MORC2: variants seen among roughly 807,000 people sequenced by gnomAD.
MORC2 encodes MORC family CW-type zinc finger 2.
In MORC2, 30 loss-of-function variants were observed where a neutral mutation model predicts 136.0. That is an observed-to-expected ratio of 0.22 (90% CI 0.17 to 0.30). The LOEUF (loss-of-function observed/expected upper bound fraction) is 0.30, where lower values mean the gene tolerates loss of function less well. MORC2 is among the 10% of genes least tolerant of loss of function. The probability of loss-of-function intolerance (pLI) is 1.00; values close to 1 mark genes in which losing one functional copy is unlikely to be tolerated. For synonymous variants in MORC2, 439 were observed against 487.0 expected, an observed-to-expected ratio of 0.90 and a Z score of 1.30; for missense variants, 922 against 1,333.1, an observed-to-expected ratio of 0.69 and a Z score of 4.80.
chr22:30,929,717 C>A (rs1253124804), intron 24 of MORC2, among the ~76,000 whole-genome samples: 2 of 151,858 alleles, frequency 1.3e-5, no homozygotes. Flanking sequence ...GCCGAGATTG[C>A]GCCACTGCAC....
intron 5 of MORC2, 143 bp from the exon 6 acceptor site, chr22:30,946,592 G>A (rs1389065365): frequency 3.3e-6 from 2 of 605,744 alleles, no homozygotes; most frequent in Non-Finnish European, 5.7e-6. Flanking sequence ...ACTGTGTGCT[G>A]AGTTCCACAG....
intron 6 of MORC2, among the ~76,000 whole-genome samples, chr22:30,944,843 G>A (rs1056357274): frequency 6.6e-6 from 1 of 152,200 alleles, no homozygotes; most frequent in Admixed American, 6.5e-5. Flanking sequence ...GGCGAGTACC[G>A]CCAAGCTACA....
chr22:30,968,080 T>C lies in MORC2; in HGVS notation c.-191A>G. On this transcript the variant is annotated 5_prime_UTR_variant, in exon 1 of 26. Coordinates refer to ENST00000397641, the MANE Select transcript of MORC2 (RefSeq NM_001303256.3). The stretch of plus-strand genomic sequence containing the variant: ...AAACTACAATTTCTTCAAGTGTTTT[T>C]TTTTAATCTTCTCAATGATTTATGA... 1.8e-6 allele frequency: 1 copy of C among 561,144 alleles called. No individual in the cohort carries two copies. The highest frequency in any genetic ancestry group is 3.2e-6 in the Non-Finnish European group (1 of 315,220). The allele number at this position is 561,144 out of a possible 1,614,324, so 34.8% of individuals were successfully genotyped here. A position where few individuals can be genotyped will look rare whatever the true frequency, so the allele number is the denominator to read the frequency against.
Position 30,934,632 on chromosome 22 carries a change from C to T in MORC2, c.2193+149G>A. On this transcript the variant is annotated intron_variant, in intron 19 of 25. Transcript: ENST00000397641. This position sits in a 1 kb window ranked among gnomAD's most constrained non-coding sequence, Gnocchi z 4.4. ...GTCTGGCCCCAACAAGTCCGTTCAG[C>T]TATCAAGGCTTCCCGTCCTCAGGGG... 2.6e-6 allele frequency: 3 copies of T among 1,161,526 alleles called. No homozygotes were observed. Among genetic ancestry groups the T allele is most frequent in the Non-Finnish European group, 3.6e-6 (3 of 822,028 alleles). 72.0% of individuals were successfully genotyped at this position (1,161,526 alleles called of 1,614,324 possible).
intron 13 of MORC2, 42 bp downstream of exon 13, chr22:30,938,023 C>T: frequency 1.9e-6 from 3 of 1,613,758 alleles, no homozygotes; most frequent in Non-Finnish European, 2.5e-6. Flanking sequence ...GCCCTCCTGC[C>T]AACTATCCTG....
At position 30,937,626 on chromosome 22, in the gene MORC2, G is replaced by C; in HGVS notation, c.1455C>G (p.Tyr485Ter). ...WNQPPSSELR[Y>*]KRRRAMEIPT... Reference sequence around the variant, plus strand: ...GGATTTCCATAGCTCTCCGGCGTTTGTAACGCAGCTCACTGGATGGGGGCT... The same window carrying C: ...GGATTTCCATAGCTCTCCGGCGTTTCTAACGCAGCTCACTGGATGGGGGCT... Residue 485 changes from tyrosine (Y) to a stop codon, truncating the protein, a stop_gained, in exon 15 of 26, where the codon TAC (tyrosine) becomes TAG (stop). Coordinates refer to ENST00000397641, the MANE Select transcript of MORC2 (RefSeq NM_001303256.3). LOFTEE classifies it high-confidence loss of function. This position sits in a 1 kb window ranked among gnomAD's most constrained non-coding sequence, Gnocchi z 4.7. 1 of 1,613,756 alleles carries C rather than the reference G, an allele frequency of 6.2e-7. No homozygotes were observed. The highest frequency in any genetic ancestry group is 8.5e-7 in the Non-Finnish European group (1 of 1,180,024).
intron 6 of MORC2, among the ~76,000 whole-genome samples, chr22:30,945,402 T>A (rs962378990): frequency 1.3e-5 from 2 of 152,210 alleles, no homozygotes; most frequent in South Asian, 4.1e-4. Flanking sequence ...ACAAATTTAA[T>A]CACAGCTAAT....
chr22:30,946,418 G>C lies in MORC2; in HGVS notation c.349C>G (p.Leu117Val), dbSNP rs542809980. Residue 117 changes from leucine (L) to valine (V), a missense_variant, in exon 6 of 26, where the codon CTG (leucine) becomes GTG (valine). By Grantham distance (32) the Leu-to-Val change is conservative. Coordinates refer to ENST00000397641, the MANE Select transcript of MORC2 (RefSeq NM_001303256.3). ...ATGGTGTCTTCCTTCTTGGTGAACA[G>C]GATAAAATCCTTCCCAATGCGCATT... ...GSMRIGKDFI[L>V]FTKKEDTMTC... The C allele has an allele frequency of 2.5e-6, 4 of 1,610,574 alleles. No homozygotes were observed. Among genetic ancestry groups the C allele is most frequent in the East Asian group, 2.2e-5 (1 of 44,628 alleles).
chr22:30,931,813 C>G (rs564381467), intron 24 of MORC2, among the ~76,000 whole-genome samples: 1 of 152,378 alleles, frequency 6.6e-6, no homozygotes, highest in East Asian at 1.9e-4. Flanking sequence ...TCTACTGAAT[C>G]TTGAGCCTCT....
chr22:30,947,180 C>G (rs993440143), intron 5 of MORC2, among the ~76,000 whole-genome samples: 1 of 152,254 alleles, frequency 6.6e-6, no homozygotes, highest in Non-Finnish European at 1.5e-5. Flanking sequence ...CTCATTATGA[C>G]ACAGGCAGCT....
At position 30,934,023 on chromosome 22, in the gene MORC2, A is replaced by G; in HGVS notation, c.2325+37T>C. 6.2e-7 allele frequency: 1 copy of G among 1,612,728 alleles called. No individual in the cohort carries two copies. The highest frequency in any genetic ancestry group is 8.5e-7 in the Non-Finnish European group (1 of 1,179,210). The stretch of plus-strand genomic sequence containing the variant: ...TGCTGGTGGGGGCTGCAGGCCCTAG[A>G]GAGAGAGGCTTTGAGAACCTCACCT... On this transcript the variant is annotated intron_variant, in intron 20 of 25. Coordinates refer to ENST00000397641, the MANE Select transcript of MORC2 (RefSeq NM_001303256.3). The surrounding 1 kb of genome is among the most constrained non-coding windows in gnomAD (Gnocchi z 4.4).
chr22:30,965,545 C>G (rs2041115547), intron 1 of MORC2, among the ~76,000 whole-genome samples: 1 of 152,190 alleles, frequency 6.6e-6, no homozygotes, highest in South Asian at 2.1e-4. Flanking sequence ...AAAAGGAGAA[C>G]AACTTCTAAG....
At position 30,968,479 on chromosome 22, in the gene MORC2, G is replaced by A. The variant is rs1349570713; in HGVS notation, c.-590C>T. Among the ~76,000 whole-genome samples the A allele has an allele frequency of 2.0e-5, 3 of 152,246 alleles. No homozygotes were observed. The highest frequency in any genetic ancestry group is 7.2e-5 in the African/African-American group (3 of 41,542). On this transcript the variant is annotated 5_prime_UTR_variant, in exon 1 of 26. Coordinates refer to ENST00000397641, the MANE Select transcript of MORC2 (RefSeq NM_001303256.3). Reference sequence around the variant, plus strand: ...CACCTCCCAAGTGAAAAAGCTCCTAGGCACTCACGATTTCTTTTTTCAAAG... The same window carrying A: ...CACCTCCCAAGTGAAAAAGCTCCTAAGCACTCACGATTTCTTTTTTCAAAG...
rs2040743301 is a variant in MORC2, at chr22:30,941,616, G to C, written c.699-58C>G. On this transcript the variant is annotated intron_variant, in intron 8 of 25. Transcript: ENST00000397641. The surrounding 1 kb of genome is among the most constrained non-coding windows in gnomAD (Gnocchi z 4.6). The stretch of plus-strand genomic sequence containing the variant: ...CCTGCTCCACAACAGGCCTGACCAA[G>C]GGCACAACATCCTCTCTGCAGGCTC... 1 of 1,583,562 alleles carries C rather than the reference G, an allele frequency of 6.3e-7. No individual in the cohort carries two copies. The highest frequency in any genetic ancestry group is 8.6e-7 in the Non-Finnish European group (1 of 1,160,444).
intron 6 of MORC2, 52 bp from the exon 7 acceptor site, chr22:30,942,323 C>A: frequency 6.4e-7 from 1 of 1,560,720 alleles, no homozygotes; most frequent in South Asian, 1.2e-5. Context: ...GAACAGCCTT[C>A]CTCCCAAATG....
At chr22:30,926,892 G>A (rs1340766238) in intron 25 of MORC2, 21 bp from the exon 26 acceptor site, 1 of 1,606,130 alleles carries the variant, frequency 6.2e-7, no homozygotes, top group African/African-American at 1.3e-5. Context: ...GCAGGGTAGG[G>A]ATCAACTGGG....
At chr22:30,940,895 C>G in intron 9 of MORC2, 58 bp from the exon 10 acceptor site, 4 of 1,435,790 alleles carry the variant, frequency 2.8e-6, no homozygotes. Context: ...GGTGGCACAC[C>G]CAAGCACAGG....
At chr22:30,943,744 A>AT (rs2040774335) in intron 6 of MORC2, among the ~76,000 whole-genome samples, 1 of 151,758 alleles carries the variant, frequency 6.6e-6, no homozygotes, top group Non-Finnish European at 1.5e-5. Context: ...TTTTTATTTT[A>AT]TTTTTTTTGA....
chr22:30,932,345 C>G lies in MORC2; in HGVS notation c.2841+14G>C. ...GAATGAAGAGTGTGGAATCGAAGGT[C>G]AGGCCAGACTCACCAGAGGAAAAGA... On this transcript the variant is annotated intron_variant, in intron 24 of 25. Coordinates refer to ENST00000397641, the MANE Select transcript of MORC2 (RefSeq NM_001303256.3). This position sits in a 1 kb window ranked among gnomAD's most constrained non-coding sequence, Gnocchi z 4.4. The G allele has an allele frequency of 6.3e-7, 1 of 1,598,532 alleles. No homozygotes were observed. Among genetic ancestry groups the G allele is most frequent in the South Asian group, 1.1e-5 (1 of 90,090 alleles).
Sources: allele counts gnomAD v4.1 joint callset (sites outside exome capture counted in the v4.1 genomes callset), GRCh38; gene constraint gnomAD v4.1.1; non-coding constraint Gnocchi (gnomAD v3.1); transcripts MANE v1.5; gene names NCBI Gene and HGNC (gene_info 2026-07-23, HGNC 2026-07-21).